FSTL5: variants seen among roughly 807,000 people sequenced by gnomAD.
FSTL5 encodes the protein follistatin like 5, also known as follistatin-related protein 5.
Under a neutral mutation model 89.1 loss-of-function variants are expected in FSTL5, and 62 were observed. The observed-to-expected ratio is 0.70, with a 90% CI of 0.57 to 0.86. The LOEUF is 0.86. Ranked by LOEUF, FSTL5 falls within the 40% of genes least tolerant of loss-of-function variation. The pLI is 0.00. For synonymous variants in FSTL5, 383 were observed against 346.2 expected (o/e 1.11, Z -1.18); for missense variants, 1,057 against 1,001.6 (o/e 1.06, Z -0.75).
At chr4:161,919,149 T>G (rs1357140356) in intron 4 of FSTL5, among the ~76,000 whole-genome samples, 1 of 152,112 alleles carries the variant, frequency 6.6e-6, no homozygotes, top group African/African-American at 2.4e-5. Flanking sequence ...TTCCCTAATA[T>G]TTTACAAATA....
intron 15 of FSTL5, among the ~76,000 whole-genome samples, chr4:161,433,852 T>C (rs181375277): frequency 7.8e-4 from 118 of 151,810 alleles, no homozygotes; most frequent in African/African-American, 2.8e-3. Context: ...ATGAAAGAAA[T>C]GAAAGATCTC....
intron 3 of FSTL5, among the ~76,000 whole-genome samples, chr4:161,930,202 G>A (rs190764705): frequency 6.6e-6 from 1 of 151,924 alleles, no homozygotes; most frequent in East Asian, 1.9e-4. Context: ...CTACAAACAA[G>A]ACATCACAGC....
chr4:161,992,581 G>T (rs1002509810), intron 3 of FSTL5, among the ~76,000 whole-genome samples: 2 of 151,758 alleles, frequency 1.3e-5, no homozygotes, highest in Non-Finnish European at 2.9e-5. Context: ...GGTGGTTCAC[G>T]CCTGTAATCC....
intron 6 of FSTL5, among the ~76,000 whole-genome samples, chr4:161,703,957 A>G (rs1485444231): frequency 6.6e-6 from 1 of 152,136 alleles, no homozygotes; most frequent in African/African-American, 2.4e-5. Flanking sequence ...ATTTTTAAGC[A>G]TATTCAACCA....
chr4:161,728,240 G>C (rs1490571246), intron 6 of FSTL5, among the ~76,000 whole-genome samples: 1 of 152,114 alleles, frequency 6.6e-6, no homozygotes, highest in Non-Finnish European at 1.5e-5. Flanking sequence ...ATTAAGTTGA[G>C]AATTCTTGAA....
chr4:161,774,960 G>C (rs1741352745), intron 5 of FSTL5, among the ~76,000 whole-genome samples: 4 of 152,138 alleles, frequency 2.6e-5, no homozygotes, highest in Admixed American at 2.0e-4. Flanking sequence ...AAAATGATGT[G>C]AATTTTAATT....
chr4:161,421,340 C>CAA lies in FSTL5; in HGVS notation c.1841+33662_1841+33663dup, dbSNP rs57798544. On this transcript the variant is annotated intron_variant, in intron 15 of 15. Coordinates refer to ENST00000306100, the MANE Select transcript of FSTL5 (RefSeq NM_020116.5). ...TGGGCTACAGAGCAAAAGACTGTCTCAAAAAAAAAAAAAAAAGTACTCAGT... is the reference window on the plus strand; with the variant it reads ...TGGGCTACAGAGCAAAAGACTGTCTCAAAAAAAAAAAAAAAAAAGTACTCAGT... 3.0e-3 allele frequency among the ~76,000 whole-genome samples: 343 copies of CAA among 115,204 alleles called. 1 individual carries two copies. Among genetic ancestry groups the CAA allele is most frequent in the African/African-American group, 0.011 (288 of 26,016 alleles). The allele number at this position is 115,204 out of a possible 152,430, so 75.6% of individuals were successfully genotyped here. A position where few individuals can be genotyped will look rare whatever the true frequency, so the allele number is the denominator to read the frequency against.
At chr4:162,152,868 A>AT in intron 1 of FSTL5, among the ~76,000 whole-genome samples, 1 of 139,218 alleles carries the variant, frequency 7.2e-6, no homozygotes. Context: ...AAAACTGGAA[A>AT]GAAAAAAAAA....
intron 15 of FSTL5, among the ~76,000 whole-genome samples, chr4:161,397,525 T>C (rs1267531755): frequency 6.6e-6 from 1 of 151,482 alleles, no homozygotes; most frequent in Non-Finnish European, 1.5e-5. Context: ...CATGTATATA[T>C]AATTTTTAAC....
intron 4 of FSTL5, among the ~76,000 whole-genome samples, chr4:161,836,662 G>T (rs1302543695): frequency 6.6e-6 from 1 of 151,790 alleles, no homozygotes; most frequent in Non-Finnish European, 1.5e-5. Flanking sequence ...TCCAAATTTG[G>T]ATATTAGAAA....
At chr4:161,864,723 T>A (rs1446728763) in intron 4 of FSTL5, among the ~76,000 whole-genome samples, 2 of 151,702 alleles carry the variant, frequency 1.3e-5, no homozygotes, top group Admixed American at 1.3e-4. Context: ...GACAAAAAAA[T>A]TAGCTGGGTG....
At chr4:161,613,954 C>T (rs973974579) in intron 7 of FSTL5, among the ~76,000 whole-genome samples, 9 of 151,988 alleles carry the variant, frequency 5.9e-5, no homozygotes, top group Admixed American at 3.3e-4. Context: ...TATTTTATTT[C>T]GAATCACTAT....
At chr4:162,025,168 G>GATACTTAAT (rs1247884378) in intron 3 of FSTL5, among the ~76,000 whole-genome samples, 1 of 151,918 alleles carries the variant, frequency 6.6e-6, no homozygotes, top group Non-Finnish European at 1.5e-5. Context: ...ACAACTAGAG[G>GATACTTAAT]ATACTTAATA....
intron 15 of FSTL5, among the ~76,000 whole-genome samples, chr4:161,407,274 A>G (rs1731418810): frequency 6.6e-6 from 1 of 152,162 alleles, no homozygotes; most frequent in East Asian, 1.9e-4. Flanking sequence ...ACACTATATT[A>G]TTTAGCAAGA....
intron 1 of FSTL5, among the ~76,000 whole-genome samples, chr4:162,149,325 T>C (rs1733132532): frequency 6.6e-6 from 1 of 151,960 alleles, no homozygotes; most frequent in African/African-American, 2.4e-5. Context: ...CTGGGCAACA[T>C]AGAGAGACTG....
At chr4:161,993,038 ATT>A (rs1184760225) in intron 3 of FSTL5, among the ~76,000 whole-genome samples, 1 of 149,290 alleles carries the variant, frequency 6.7e-6, no homozygotes, top group Non-Finnish European at 1.5e-5. Flanking sequence ...GGAGGGGCAT[ATT>A]GTTTCCTTTT....
At chr4:161,968,363 G>T (rs2111005151) in intron 3 of FSTL5, among the ~76,000 whole-genome samples, 1 of 151,922 alleles carries the variant, frequency 6.6e-6, no homozygotes, top group African/African-American at 2.4e-5. Context: ...TAAAAAAAAA[G>T]TCATCCTTAT....
intron 15 of FSTL5, among the ~76,000 whole-genome samples, chr4:161,436,845 A>C (rs776985160): frequency 6.6e-6 from 1 of 152,186 alleles, no homozygotes; most frequent in South Asian, 2.1e-4. Context: ...AGCAGTTTTA[A>C]GATTGCAGGG....
At chr4:161,423,114 G>C (rs1451736545) in intron 15 of FSTL5, among the ~76,000 whole-genome samples, 1 of 152,006 alleles carries the variant, frequency 6.6e-6, no homozygotes, top group Non-Finnish European at 1.5e-5. Context: ...AACTGATGAG[G>C]CTTAAAACTC....
Sources: allele counts gnomAD v4.1 joint callset (sites outside exome capture counted in the v4.1 genomes callset), GRCh38; gene constraint gnomAD v4.1.1; transcripts MANE v1.5; gene names NCBI Gene and HGNC (gene_info 2026-07-23, HGNC 2026-07-21).